ICA1: variants seen among roughly 807,000 people sequenced by gnomAD.
ICA1 encodes 69 kDa islet cell autoantigen.
In ICA1, 40 loss-of-function variants were observed where a neutral mutation model predicts 71.0. That is an observed-to-expected ratio of 0.56 (90% confidence interval 0.44 to 0.73). The LOEUF (loss-of-function observed/expected upper bound fraction) is 0.73, where lower values mean the gene tolerates loss of function less well. Ranked by LOEUF, ICA1 falls within the 30% of genes least tolerant of loss-of-function variation. The pLI, the probability that ICA1 is intolerant of heterozygous loss-of-function variation, is 0.00. For missense variants in ICA1, 578 were observed against 576.5 expected (o/e 1.00, Z -0.03); for synonymous variants, 207 against 209.5 (o/e 0.99, Z 0.10).
chr7:8,188,251 T>C (rs1477528785), intron 6 of ICA1, among the ~76,000 whole-genome samples: 1 of 152,226 alleles, frequency 6.6e-6, no homozygotes. Context: ...GAAAGTTATA[T>C]AAGTTCACAT....
chr7:8,216,068 G>A (rs1330539310), intron 6 of ICA1, among the ~76,000 whole-genome samples: 1 of 152,214 alleles, frequency 6.6e-6, no homozygotes, highest in East Asian at 1.9e-4. Context: ...CATTAATAAC[G>A]CAACTTCTTA....
chr7:8,137,507 A>G (rs1379006357), intron 12 of ICA1, among the ~76,000 whole-genome samples: 1 of 152,208 alleles, frequency 6.6e-6, no homozygotes, highest in Non-Finnish European at 1.5e-5. Flanking sequence ...CCTCCAAAAA[A>G]TAATTTGTGA....
intron 8 of ICA1, among the ~76,000 whole-genome samples, chr7:8,146,104 T>G (rs950121595): frequency 6.6e-6 from 1 of 152,196 alleles, no homozygotes; most frequent in African/African-American, 2.4e-5. Context: ...TTTTGAGCAC[T>G]ACCCAATGAC....
At chr7:8,237,815 G>GACACACACACAC (rs916761494) in intron 1 of ICA1, among the ~76,000 whole-genome samples, 67 of 135,324 alleles carry the variant, frequency 5.0e-4, no homozygotes, top group African/African-American at 2.0e-3. Context: ...CAATGTTGAA[G>GACACACACACAC]ACAGACACAC....
chr7:8,212,460 G>A (rs1323342109), intron 6 of ICA1, among the ~76,000 whole-genome samples: 1 of 148,256 alleles, frequency 6.7e-6, no homozygotes, highest in African/African-American at 2.5e-5. Flanking sequence ...GGCTACTCAG[G>A]AAGCTGGGGC....
At chr7:8,117,682 T>G (rs969687283) in intron 13 of ICA1, among the ~76,000 whole-genome samples, 9 of 152,212 alleles carry the variant, frequency 5.9e-5, no homozygotes, top group African/African-American at 2.2e-4. Context: ...CTGTATCCTT[T>G]TATTGGCATA....
intron 13 of ICA1, among the ~76,000 whole-genome samples, chr7:8,121,362 G>A (rs1295970361): frequency 1.3e-5 from 2 of 152,152 alleles, no homozygotes; most frequent in Non-Finnish European, 2.9e-5. Context: ...ATACGATGGT[G>A]AGCAACATAA....
At chr7:8,251,129 C>A (rs1808030330) in intron 1 of ICA1, among the ~76,000 whole-genome samples, 1 of 152,052 alleles carries the variant, frequency 6.6e-6, no homozygotes, top group Admixed American at 6.6e-5. Context: ...CTCAAGTGAT[C>A]CACCAGCTTT....
Position 8,149,219 on chromosome 7 carries a change from C to A in ICA1, c.805-5247G>T, listed in dbSNP as rs140968819. ...GAATCCACGTCCAGAAATGAAAACT[C>A]CAAAAACGTTCTGTTTCTAAACCCC... On this transcript the variant is annotated intron_variant, in intron 8 of 13. Coordinates refer to ENST00000402384, the MANE Select transcript of ICA1 (RefSeq NM_001136020.3). Among the ~76,000 whole-genome samples the A allele has an allele frequency of 1.5e-3, 226 of 152,270 alleles. 1 individual carries two copies. The highest frequency in any genetic ancestry group is 5.2e-3 in the African/African-American group (214 of 41,526).
intron 12 of ICA1, among the ~76,000 whole-genome samples, chr7:8,137,125 G>A (rs1793702728): frequency 6.6e-6 from 1 of 150,618 alleles, no homozygotes; most frequent in African/African-American, 2.4e-5. Context: ...CAAACACTAA[G>A]ATACACTGGG....
chr7:8,241,587 G>T (rs548827194), intron 1 of ICA1, among the ~76,000 whole-genome samples: 1 of 152,196 alleles, frequency 6.6e-6, no homozygotes, highest in African/African-American at 2.4e-5. Flanking sequence ...TTGTAAATGG[G>T]CTAAATGCCC....
chr7:8,224,467 CT>C (rs1285321537), intron 4 of ICA1, among the ~76,000 whole-genome samples: 2 of 152,050 alleles, frequency 1.3e-5, no homozygotes, highest in African/African-American at 2.4e-5. Context: ...TGTATTAAAC[CT>C]TTTAGTTTGA....
Position 8,256,299 on chromosome 7 carries a change from GCCACT to G in ICA1, c.-80+5790_-80+5794del, listed in dbSNP as rs1410058379. 7.2e-5 allele frequency among the ~76,000 whole-genome samples: 11 copies of G among 152,026 alleles called. No homozygotes were observed. In the East Asian group the frequency reaches 2.1e-3, roughly 29 times the overall value. On this transcript the variant is annotated intron_variant, in intron 1 of 13. Coordinates refer to ENST00000402384, the MANE Select transcript of ICA1 (RefSeq NM_001136020.3). Reference sequence around the variant, plus strand: ...TAAAATGTTTTAATTGCTTTCTCTTGCCACTAGAGAAATTCCAAACATTTTTTGAA... The same window carrying G: ...TAAAATGTTTTAATTGCTTTCTCTTGAGAGAAATTCCAAACATTTTTTGAA...
intron 6 of ICA1, among the ~76,000 whole-genome samples, chr7:8,165,722 C>A (rs949894484): frequency 6.6e-6 from 1 of 152,124 alleles, no homozygotes; most frequent in Non-Finnish European, 1.5e-5. Flanking sequence ...TTTATATACA[C>A]CAACAACAAC....
chr7:8,113,895 T>C lies in ICA1; in HGVS notation c.*28A>G. 1.2e-6 allele frequency: 2 copies of C among 1,613,722 alleles called. No individual in the cohort carries two copies. The highest frequency in any genetic ancestry group is 8.5e-7 in the Non-Finnish European group (1 of 1,179,702). ...CCCAGGGGAGCTGCTGGGGGCGGCA[T>C]GTGAGTGCCCTCCCGAAGGGTACAG... On this transcript the variant is annotated 3_prime_UTR_variant, in exon 14 of 14. Transcript: ENST00000402384. This position sits in a 1 kb window ranked among gnomAD's most constrained non-coding sequence, Gnocchi z 4.2.
In ICA1 at chr7:8,216,657, T is replaced by C. The variant is rs537748916; in HGVS notation, c.579+1648A>G. 5.3e-5 allele frequency among the ~76,000 whole-genome samples: 8 copies of C among 151,876 alleles called. No individual in the cohort carries two copies. The South Asian group carries it at 8.3e-4, about 16-fold the overall frequency. On this transcript the variant is annotated intron_variant, in intron 6 of 13. Coordinates refer to ENST00000402384, the MANE Select transcript of ICA1 (RefSeq NM_001136020.3). ...ATATTTATCTTTATTACCTGGCACATAGGAGGTGTTCAATAAATATTAATT... is the reference window on the plus strand; with the variant it reads ...ATATTTATCTTTATTACCTGGCACACAGGAGGTGTTCAATAAATATTAATT...
At chr7:8,233,085 C>T (rs1303025175) in intron 2 of ICA1, among the ~76,000 whole-genome samples, 1 of 152,116 alleles carries the variant, frequency 6.6e-6, no homozygotes, top group Non-Finnish European at 1.5e-5. Flanking sequence ...GGGTGACTGG[C>T]CCAAGTTACC....
rs1475599101 is a variant in ICA1, at chr7:8,136,310, C to T, written c.1060+2530G>A. Reference sequence around the variant, plus strand: ...GCAGCAGGGTGCTAGAGCTTATCGTCCCCAAGTCCTATAAAGTCAGCCATC... The same window carrying T: ...GCAGCAGGGTGCTAGAGCTTATCGTTCCCAAGTCCTATAAAGTCAGCCATC... On this transcript the variant is annotated intron_variant, in intron 12 of 13. Transcript: ENST00000402384. Among the ~76,000 whole-genome samples, 3 of 152,144 alleles carry T rather than the reference C, an allele frequency of 2.0e-5. No homozygotes were observed. In the South Asian group the frequency reaches 6.2e-4, roughly 32 times the overall value.
chr7:8,173,832 A>G lies in ICA1; in HGVS notation c.580-15180T>C, dbSNP rs1779621086. Among the ~76,000 whole-genome samples, 1 of 151,960 alleles carries G rather than the reference A, an allele frequency of 6.6e-6. No individual in the cohort carries two copies. Among genetic ancestry groups the G allele is most frequent in the South Asian group, 2.1e-4 (1 of 4,810 alleles). Reference sequence around the variant, plus strand: ...TCCCAAGCAATATAATTGAACACCTATAGCTCTCGGTGCTGGAGATAAGCA... The same window carrying G: ...TCCCAAGCAATATAATTGAACACCTGTAGCTCTCGGTGCTGGAGATAAGCA... On this transcript the variant is annotated intron_variant, in intron 6 of 13. Coordinates refer to ENST00000402384, the MANE Select transcript of ICA1 (RefSeq NM_001136020.3). The surrounding 1 kb of genome is among the most constrained non-coding windows in gnomAD (Gnocchi z 4.0).
Sources: gnomAD v4.1 joint callset for allele counts (sites outside exome capture counted in the v4.1 genomes callset) on GRCh38, gnomAD v4.1.1 for gene constraint, Gnocchi (gnomAD v3.1) non-coding constraint, MANE v1.5 for transcripts, NCBI Gene and HGNC (gene_info 2026-07-23, HGNC 2026-07-21) for gene names.